OLFM3: variants seen among roughly 807,000 people sequenced by gnomAD.
The protein encoded by OLFM3 is olfactomedin 3, also known as noelin-3.
In OLFM3, 20 loss-of-function variants were observed where a neutral mutation model predicts 48.6. That is an observed-to-expected ratio of 0.41 (90% CI 0.29 to 0.60). The LOEUF is 0.60. Ranked by LOEUF, OLFM3 falls within the 20% of genes least tolerant of loss-of-function variation. The pLI, the probability that OLFM3 is intolerant of heterozygous loss-of-function variation, is 0.28. For synonymous variants in OLFM3, 222 were observed against 198.1 expected (o/e 1.12, Z -1.01); for missense variants, 437 against 544.3 (o/e 0.80, Z 1.96).
At chr1:101,874,628 A>T (rs542576446) in intron 1 of OLFM3, among the ~76,000 whole-genome samples, 1 of 152,048 alleles carries the variant, frequency 6.6e-6, no homozygotes, top group African/African-American at 2.4e-5. Flanking sequence ...TCAACTTGTT[A>T]CTCACATTCA....
chr1:101,888,600 C>A (rs1290077901), intron 1 of OLFM3, among the ~76,000 whole-genome samples: 1 of 152,152 alleles, frequency 6.6e-6, no homozygotes, highest in East Asian at 1.9e-4. Context: ...GCAAGGACTT[C>A]ATGACTAAAA....
chr1:101,890,778 A>G (rs1419444221), intron 1 of OLFM3, among the ~76,000 whole-genome samples: 1 of 152,056 alleles, frequency 6.6e-6, no homozygotes, highest in Non-Finnish European at 1.5e-5. Flanking sequence ...ATGAAAAAAG[A>G]ACTACTTGAT....
At chr1:101,947,813 G>A (rs1205709563) in intron 1 of OLFM3, among the ~76,000 whole-genome samples, 1 of 152,080 alleles carries the variant, frequency 6.6e-6, no homozygotes, top group Non-Finnish European at 1.5e-5. Flanking sequence ...TCTTTATATG[G>A]CATATAGATA....
intron 1 of OLFM3, among the ~76,000 whole-genome samples, chr1:101,908,869 TAA>T (rs1658645393): frequency 1.3e-5 from 2 of 152,144 alleles, no homozygotes; most frequent in African/African-American, 2.4e-5. Flanking sequence ...AGCCAAAAAA[TAA>T]AGTTTCCCCT....
chr1:101,952,018 T>G (rs1570660629), intron 1 of OLFM3, among the ~76,000 whole-genome samples: 3 of 139,322 alleles, frequency 2.2e-5, no homozygotes, highest in African/African-American at 7.9e-5. Context: ...TTACCAAATA[T>G]TTAGCTAGTT....
At chr1:101,981,168 T>C (rs763934967) in intron 1 of OLFM3, among the ~76,000 whole-genome samples, 1 of 152,112 alleles carries the variant, frequency 6.6e-6, no homozygotes, top group African/African-American at 2.4e-5. Flanking sequence ...ATTATTCTTT[T>C]CTTCTCCCTA....
intron 1 of OLFM3, among the ~76,000 whole-genome samples, chr1:101,840,471 A>AG (rs1655663610): frequency 1.5e-5 from 1 of 67,864 alleles, no homozygotes; most frequent in African/African-American, 4.2e-5. Flanking sequence ...CTTATTTCAG[A>AG]GATTTTTTTT....
At chr1:101,884,519 A>T (rs759962592) in intron 1 of OLFM3, among the ~76,000 whole-genome samples, 5 of 151,990 alleles carry the variant, frequency 3.3e-5, no homozygotes, top group Non-Finnish European at 5.9e-5. Context: ...AAAACAGACA[A>T]AAAATGCCAC....
intron 1 of OLFM3, among the ~76,000 whole-genome samples, chr1:101,910,470 GAA>G (rs5776606): frequency 2.3e-4 from 28 of 123,010 alleles, no homozygotes; most frequent in East Asian, 2.2e-4. Context: ...CGTCTCAACT[GAA>G]AAAAAAAAAA....
chr1:101,842,327 A>C (rs1197969031), intron 1 of OLFM3, among the ~76,000 whole-genome samples: 1 of 152,092 alleles, frequency 6.6e-6, no homozygotes, highest in Non-Finnish European at 1.5e-5. Context: ...TGAGCCCAGG[A>C]GTTTGAGACC....
intron 1 of OLFM3, among the ~76,000 whole-genome samples, chr1:101,958,835 TTATATA>T (rs10571792): frequency 0.048 from 6,968 of 146,276 alleles, 230 homozygotes; most frequent in African/African-American, 0.085. Flanking sequence ...CAAAGTGATA[TTATATA>T]TATATATATA....
chr1:101,952,532 T>C (rs1378604029), intron 1 of OLFM3, among the ~76,000 whole-genome samples: 1 of 152,106 alleles, frequency 6.6e-6, no homozygotes, highest in Non-Finnish European at 1.5e-5. Flanking sequence ...AAAAGAGATG[T>C]AGTATTATAA....
At chr1:101,883,550 C>A (rs1224495251) in intron 1 of OLFM3, among the ~76,000 whole-genome samples, 1 of 151,684 alleles carries the variant, frequency 6.6e-6, no homozygotes, top group Non-Finnish European at 1.5e-5. Flanking sequence ...TGTGACATAC[C>A]CTTAATGTCC....
intron 1 of OLFM3, among the ~76,000 whole-genome samples, chr1:101,915,364 TA>T (rs5776610): frequency 0.11 from 16,435 of 148,730 alleles, 1,519 homozygotes; most frequent in East Asian, 0.36. Context: ...TTTAATCTGT[TA>T]AAAAAAAAAG....
At chr1:101,961,758 T>G (rs925005772) in intron 1 of OLFM3, among the ~76,000 whole-genome samples, 3 of 152,124 alleles carry the variant, frequency 2.0e-5, no homozygotes, top group Non-Finnish European at 4.4e-5. Flanking sequence ...AAGATATAAC[T>G]TATGAAGTTA....
intron 1 of OLFM3, among the ~76,000 whole-genome samples, chr1:101,949,767 A>C (rs138099057): frequency 6.6e-6 from 1 of 152,058 alleles, no homozygotes; most frequent in South Asian, 2.1e-4. Context: ...CGTCTCTACT[A>C]AAAATACAAA....
chr1:101,873,346 A>C (rs1372326799), intron 1 of OLFM3, among the ~76,000 whole-genome samples: 1 of 151,930 alleles, frequency 6.6e-6, no homozygotes, highest in East Asian at 1.9e-4. Context: ...ATATATCACA[A>C]TTTATTTTGT....
At chr1:101,861,599 A>G (rs1172648807) in intron 1 of OLFM3, among the ~76,000 whole-genome samples, 1 of 152,212 alleles carries the variant, frequency 6.6e-6, no homozygotes, top group Non-Finnish European at 1.5e-5. Context: ...GAAGGTCACG[A>G]TAATGGAATT....
chr1:101,868,006 G>A (rs571005002), intron 1 of OLFM3, among the ~76,000 whole-genome samples: 3 of 152,270 alleles, frequency 2.0e-5, no homozygotes, highest in South Asian at 2.1e-4. Flanking sequence ...TTGTGAAGAA[G>A]GATGTGTTTG....
Sources: allele counts gnomAD v4.1 joint callset (sites outside exome capture counted in the v4.1 genomes callset), GRCh38; gene constraint gnomAD v4.1.1; transcripts MANE v1.5; gene names NCBI Gene and HGNC (gene_info 2026-07-23, HGNC 2026-07-21).